Variants in AGTPBP1 observed in about 807,000 individuals in gnomAD.
AGTPBP1 encodes cytosolic carboxypeptidase 1.
Under a neutral mutation model 143.9 loss-of-function variants are expected in AGTPBP1, and 70 were observed. That is an observed-to-expected ratio of 0.49 (90% CI 0.40 to 0.59). The LOEUF (loss-of-function observed/expected upper bound fraction) is 0.59, where lower values mean the gene tolerates loss of function less well. Ranked by LOEUF, AGTPBP1 falls within the 20% of genes least tolerant of loss-of-function variation. The pLI is 0.00. For synonymous variants in AGTPBP1, 463 were observed against 500.2 expected (o/e 0.93, Z 0.99); for missense variants, 1,229 against 1,464.5 (o/e 0.84, Z 2.62).
intron 8 of AGTPBP1, among the ~76,000 whole-genome samples, chr9:85,665,903 A>T (rs1317584748): frequency 6.6e-6 from 1 of 152,164 alleles, no homozygotes; most frequent in East Asian, 1.9e-4. Context: ...TTTACCACAA[A>T]GAAATTTCTG....
intron 22 of AGTPBP1, among the ~76,000 whole-genome samples, chr9:85,586,225 A>G (rs560104206): frequency 1.3e-5 from 2 of 152,174 alleles, no homozygotes; most frequent in African/African-American, 4.8e-5. Context: ...AAAAAAATTA[A>G]AAACAAAGAA....
the AGTPBP1 span, among the ~76,000 whole-genome samples, chr9:85,763,116 T>G: frequency 6.6e-6 from 1 of 152,002 alleles, no homozygotes; most frequent in East Asian, 1.9e-4. Flanking sequence ...ATAATTTTCT[T>G]CTTAGCCAAA....
the AGTPBP1 span, among the ~76,000 whole-genome samples, chr9:85,804,372 A>C: frequency 6.6e-6 from 1 of 152,020 alleles, no homozygotes; most frequent in Non-Finnish European, 1.5e-5. Context: ...TCAATCCCAA[A>C]TGCCTACTCC....
At chr9:85,595,642 T>C (rs1182787858) in intron 18 of AGTPBP1, among the ~76,000 whole-genome samples, 3 of 152,196 alleles carry the variant, frequency 2.0e-5, no homozygotes, top group African/African-American at 7.2e-5. Context: ...TTCTCTTCCC[T>C]CAGCCTCCTG....
intron 11 of AGTPBP1, among the ~76,000 whole-genome samples, chr9:85,653,099 C>G (rs1032431667): frequency 1.1e-4 from 17 of 151,844 alleles, no homozygotes; most frequent in African/African-American, 3.9e-4. Context: ...TATAATGAAG[C>G]CTGACATGTG....
chr9:85,596,371 C>G lies in AGTPBP1; in HGVS notation c.2414G>C (p.Cys805Ser). Residue 805 changes from cysteine to serine, a missense_variant, in exon 18 of 26, where the codon TGT becomes TCT. Cys to Ser is a moderately radical substitution (Grantham distance 112). Coordinates refer to ENST00000357081, the MANE Select transcript of AGTPBP1 (RefSeq NM_001330701.2). ...TTCTTAAAATACTTACTTATAGTAA[C>G]AAATGTCAGTCCCCATACGAATCCA... ...PWWIRMGTDICYYKNHFSRSS... is the reference protein window; with the variant it reads ...PWWIRMGTDISYYKNHFSRSS... The G allele has an allele frequency of 6.2e-7, 1 of 1,602,818 alleles. No homozygotes were observed. Among genetic ancestry groups the G allele is most frequent in the Non-Finnish European group, 8.5e-7 (1 of 1,173,222 alleles).
At chr9:85,674,533 G>A (rs1236120730) in intron 6 of AGTPBP1, among the ~76,000 whole-genome samples, 1 of 151,738 alleles carries the variant, frequency 6.6e-6, no homozygotes, top group Non-Finnish European at 1.5e-5. Flanking sequence ...GCCAAATTAT[G>A]GTTTTCTTAT....
At chr9:85,712,396 A>G (rs1382628090) in intron 2 of AGTPBP1, 106 bp downstream of exon 2, 12 of 540,822 alleles carry the variant, frequency 2.2e-5, no homozygotes, top group Middle Eastern at 4.8e-4. Flanking sequence ...AATATAACAT[A>G]TTATACTTAA....
chr9:85,698,111 T>G (rs1836391470), intron 2 of AGTPBP1, among the ~76,000 whole-genome samples: 1 of 152,146 alleles, frequency 6.6e-6, no homozygotes, highest in South Asian at 2.1e-4. Context: ...TGGCAATTAA[T>G]AAAACATCTA....
chr9:85,629,022 G>C (rs762313258), intron 14 of AGTPBP1, among the ~76,000 whole-genome samples: 20 of 152,122 alleles, frequency 1.3e-4, no homozygotes, highest in Non-Finnish European at 2.4e-4. Flanking sequence ...GCCAACAACA[G>C]AGTTTTGAAT....
At chr9:85,756,275 AT>A in the AGTPBP1 span, 1 of 1,546,572 alleles carries the variant, frequency 6.5e-7, no homozygotes, top group Non-Finnish European at 8.7e-7. Context: ...ACACTACTTG[AT>A]TCTGGTTGTA....
At position 85,657,529 on chromosome 9, in the gene AGTPBP1, A is replaced by T; in HGVS notation, c.815T>A (p.Ile272Asn). 1 of 1,613,964 alleles carries T rather than the reference A, an allele frequency of 6.2e-7. No individual in the cohort carries two copies. The highest frequency in any genetic ancestry group is 8.5e-7 in the Non-Finnish European group (1 of 1,179,924). The change falls in exon 10 of 26, where the codon ATT becomes AAT. Residue 272 changes from isoleucine to asparagine, a missense_variant. This residue lies in a region of AGTPBP1 where 743 missense variants were observed against 812.2 expected (regional missense o/e 0.91). Coordinates refer to ENST00000357081, the MANE Select transcript of AGTPBP1 (RefSeq NM_001330701.2). Reference protein sequence around the residue: ...RHRNMLIRKGILQSLKSVTNI... With the variant: ...RHRNMLIRKGNLQSLKSVTNI... ...TGTAACACTTTTTAAACTCTGTAAA[A>T]TTCCTTTCCGAATGAGCATGTTTCT...
chr9:85,710,432 T>C (rs1837291523), intron 2 of AGTPBP1, among the ~76,000 whole-genome samples: 1 of 151,994 alleles, frequency 6.6e-6, no homozygotes, highest in South Asian at 2.1e-4. Flanking sequence ...AGAAAAAAAT[T>C]CAAAACAAAG....
At chr9:85,605,146 A>C (rs1191287214) in intron 17 of AGTPBP1, among the ~76,000 whole-genome samples, 2 of 152,180 alleles carry the variant, frequency 1.3e-5, no homozygotes, top group African/African-American at 2.4e-5. Context: ...AGGCTATAGA[A>C]CACCACGCAG....
At chr9:85,790,956 T>C in the AGTPBP1 span, among the ~76,000 whole-genome samples, 1 of 152,212 alleles carries the variant, frequency 6.6e-6, no homozygotes. Flanking sequence ...AATAATTATA[T>C]AACTAAAGTA....
At position 85,727,478 on chromosome 9, in the gene AGTPBP1, G is replaced by C. The variant is rs7030708; in HGVS notation, c.-34+14297C>G. ...TATATAAAAACCTGCTCATTCAACA[G>C]TGTTTAAAGAACTGTGTAAAAACGT... On this transcript the variant is annotated intron_variant, in intron 1 of 25. Coordinates refer to ENST00000357081, the MANE Select transcript of AGTPBP1 (RefSeq NM_001330701.2). Among the ~76,000 whole-genome samples the C allele has an allele frequency of 2.8e-4, 42 of 152,156 alleles. 1 individual carries two copies. The highest frequency in any genetic ancestry group is 6.5e-4 in the Admixed American group (10 of 15,304).
chr9:85,763,719 C>G, the AGTPBP1 span, among the ~76,000 whole-genome samples: 1 of 152,022 alleles, frequency 6.6e-6, no homozygotes, highest in Non-Finnish European at 1.5e-5. Flanking sequence ...ATTGATAATG[C>G]CATTTAGAAA....
the AGTPBP1 span, among the ~76,000 whole-genome samples, chr9:85,795,376 T>C: frequency 1.1e-3 from 163 of 152,342 alleles, 2 homozygotes; most frequent in Middle Eastern, 0.024. Flanking sequence ...TTCTGTGTGC[T>C]AGGTCTTCAT....
At chr9:85,697,553 C>T (rs1354836258) in intron 2 of AGTPBP1, among the ~76,000 whole-genome samples, 1 of 145,696 alleles carries the variant, frequency 6.9e-6, no homozygotes, top group Non-Finnish European at 1.5e-5. Context: ...CCCGGGTTCA[C>T]GCCATTCTCC....
Sources: allele counts gnomAD v4.1 joint callset (sites outside exome capture counted in the v4.1 genomes callset), GRCh38; gene constraint gnomAD v4.1.1; regional missense constraint gnomAD v4.1.1; transcripts MANE v1.5; gene names NCBI Gene and HGNC (gene_info 2026-07-23, HGNC 2026-07-21).